PACC1: variants seen among roughly 807,000 people sequenced by gnomAD.
The protein encoded by PACC1 is proton activated chloride channel 1, also known as proton-activated chloride channel.
A neutral mutation model predicts 39.7 loss-of-function variants in PACC1; 34 were observed. The ratio of observed to expected loss-of-function variants is 0.86; its 90% CI spans 0.65 to 1.14. The LOEUF (loss-of-function observed/expected upper bound fraction) is 1.14. Among genes scored for constraint, PACC1 ranks in the 50% most tolerant of loss-of-function variants. The pLI, the probability that PACC1 is intolerant of heterozygous loss-of-function variation, is 0.00. For missense variants in PACC1, 379 were observed against 436.4 expected (o/e 0.87, Z 1.17); for synonymous variants, 127 against 160.6 (o/e 0.79, Z 1.58).
intron 2 of PACC1, 149 bp from the exon 3 acceptor site, chr1:212,387,249 C>G: frequency 1.5e-6 from 1 of 677,684 alleles, no homozygotes; most frequent in Non-Finnish European, 2.5e-6. Flanking sequence ...CAAATCATAA[C>G]AAAGGGCACC....
intron 2 of PACC1, 22 bp from the exon 3 acceptor site, chr1:212,387,122 G>A: frequency 6.2e-7 from 1 of 1,611,914 alleles, no homozygotes; most frequent in Non-Finnish European, 8.5e-7. Flanking sequence ...AAAACACCAT[G>A]TGACCCAGGG....
chr1:212,393,052 C>A (rs1355642728), intron 2 of PACC1, among the ~76,000 whole-genome samples: 1 of 152,150 alleles, frequency 6.6e-6, no homozygotes, highest in African/African-American at 2.4e-5. Context: ...ACAAGGATAT[C>A]CAGGAATTGA....
chr1:212,414,800 C>G lies in PACC1; in HGVS notation c.-43G>C. ...CGGCACACCTGAGACCGCCCCAGCC[C>G]GCGGCGCACGGACGCAGCACTGCGG... On this transcript the variant is annotated 5_prime_UTR_variant, in exon 1 of 8. Coordinates refer to ENST00000261455, the MANE Select transcript of PACC1 (RefSeq NM_018252.3). 6.2e-7 allele frequency: 1 copy of G among 1,608,322 alleles called. No individual in the cohort carries two copies. The highest frequency in any genetic ancestry group is 8.5e-7 in the Non-Finnish European group (1 of 1,175,550).
At chr1:212,380,611 CAT>C (rs1246686165) in intron 4 of PACC1, among the ~76,000 whole-genome samples, 2 of 152,152 alleles carry the variant, frequency 1.3e-5, no homozygotes, top group Admixed American at 6.5e-5. Context: ...CCAAACAATG[CAT>C]AGAGACAGGT....
At chr1:212,367,179 G>C (rs1188282488) in intron 7 of PACC1, among the ~76,000 whole-genome samples, 1 of 152,086 alleles carries the variant, frequency 6.6e-6, no homozygotes, top group Non-Finnish European at 1.5e-5. Context: ...ACCAAACTCA[G>C]CTATCCATGT....
chr1:212,395,898 C>T (rs1571666198), intron 2 of PACC1, among the ~76,000 whole-genome samples: 2 of 152,216 alleles, frequency 1.3e-5, no homozygotes, highest in African/African-American at 4.8e-5. Context: ...TACCATCTCA[C>T]ACCAGTTAGA....
intron 7 of PACC1, among the ~76,000 whole-genome samples, chr1:212,374,408 C>T: frequency 6.6e-6 from 1 of 151,844 alleles, no homozygotes; most frequent in Admixed American, 6.6e-5. Context: ...TTACCAGAGG[C>T]TGGGAAGGGT....
chr1:212,406,685 G>C lies in PACC1; in HGVS notation c.133+3740C>G, dbSNP rs567308272. On this transcript the variant is annotated intron_variant, in intron 2 of 7. Coordinates refer to ENST00000261455, the MANE Select transcript of PACC1 (RefSeq NM_018252.3). The stretch of plus-strand genomic sequence containing the variant: ...TCATCTGGTTCCCCCAAAGCAACTG[G>C]GAAGGCTACCCCAAAGCAAGTGGGA... Among the ~76,000 whole-genome samples the C allele has an allele frequency of 3.4e-4, 52 of 152,298 alleles. No homozygotes were observed. In the South Asian group the frequency reaches 6.4e-3, roughly 19 times the overall value.
intron 7 of PACC1, among the ~76,000 whole-genome samples, chr1:212,368,443 A>G (rs185190825): frequency 2.0e-5 from 3 of 152,284 alleles, no homozygotes; most frequent in East Asian, 3.9e-4. Flanking sequence ...AGGGAATTCA[A>G]AATAGATGTT....
At position 212,410,439 on chromosome 1, in the gene PACC1, G is replaced by A. The variant is rs769822957; in HGVS notation, c.119C>T (p.Pro40Leu). Residue 40 changes from proline to leucine, a missense_variant, in exon 2 of 8, where the codon CCG becomes CTG. Pro to Leu is a moderately conservative substitution (Grantham distance 98, BLOSUM62 -3). Transcript: ENST00000261455. ...QDKETVRVQG[P>L]GILPGLDSES... Reference sequence around the variant, plus strand: ...AACGCACTCACCTGGTAAGATACCCGGACCTTGGACTCTGACCGTCTCCTT... The same window carrying A: ...AACGCACTCACCTGGTAAGATACCCAGACCTTGGACTCTGACCGTCTCCTT... 5.0e-6 allele frequency: 8 copies of A among 1,613,982 alleles called. No individual in the cohort carries two copies. The highest frequency in any genetic ancestry group is 4.5e-5 in the East Asian group (2 of 44,894).
intron 5 of PACC1, among the ~76,000 whole-genome samples, chr1:212,379,306 A>G (rs1321045413): frequency 1.3e-5 from 2 of 152,188 alleles, no homozygotes; most frequent in East Asian, 3.8e-4. Context: ...AGTCTATGAT[A>G]TATATAACCA....
chr1:212,406,918 T>C (rs1024688801), intron 2 of PACC1, among the ~76,000 whole-genome samples: 1 of 152,234 alleles, frequency 6.6e-6, no homozygotes, highest in Non-Finnish European at 1.5e-5. Flanking sequence ...TTTCCAAGTC[T>C]GGCCTCCCTC....
At chr1:212,396,805 TA>T (rs1661541186) in intron 2 of PACC1, among the ~76,000 whole-genome samples, 1 of 9,460 alleles carries the variant, frequency 1.1e-4, no homozygotes, top group South Asian at 2.6e-3. Flanking sequence ...AATATCTATC[TA>T]TCTATCTATC....
intron 7 of PACC1, among the ~76,000 whole-genome samples, chr1:212,369,042 A>G (rs1298909421): frequency 1.4e-5 from 2 of 146,950 alleles, no homozygotes; most frequent in Non-Finnish European, 3.0e-5. Context: ...AAAAAAAAAG[A>G]GGCAAAACAA....
Position 212,365,189 on chromosome 1 carries a change from A to G in PACC1, c.*26T>C. On this transcript the variant is annotated 3_prime_UTR_variant, in exon 8 of 8. Coordinates refer to ENST00000261455, the MANE Select transcript of PACC1 (RefSeq NM_018252.3). Reference sequence around the variant, plus strand: ...GATGACAGCTCCCATTGATGTGGACAGTTCTCTAAACAACGCGAGGTGACT... The same window carrying G: ...GATGACAGCTCCCATTGATGTGGACGGTTCTCTAAACAACGCGAGGTGACT... 2 of 1,608,126 alleles carry G rather than the reference A, an allele frequency of 1.2e-6. No homozygotes were observed. Among genetic ancestry groups the G allele is most frequent in the East Asian group, 2.2e-5 (1 of 44,814 alleles).
chr1:212,397,741 G>A (rs2102523038), intron 2 of PACC1, among the ~76,000 whole-genome samples: 1 of 152,334 alleles, frequency 6.6e-6, no homozygotes, highest in East Asian at 1.9e-4. Context: ...GAAGCACAGG[G>A]AGAAGGGCAG....
intron 1 of PACC1, 107 bp from the exon 2 acceptor site, chr1:212,410,628 AACC>A: frequency 1.0e-6 from 1 of 999,002 alleles, no homozygotes. Context: ...TGTCACCAAA[AACC>A]ACATGACATA....
In PACC1 at chr1:212,386,778, G is replaced by T; in HGVS notation, c.343+113C>A. 1 of 989,368 alleles carries T rather than the reference G, an allele frequency of 1.0e-6. No homozygotes were observed. The highest frequency in any genetic ancestry group is 1.6e-6 in the Non-Finnish European group (1 of 636,948). The allele number at this position is 989,368 out of a possible 1,614,324, so 61.3% of individuals were successfully genotyped here. A position where few individuals can be genotyped will look rare whatever the true frequency, so the allele number is the denominator to read the frequency against. ...CTCTATACCTAGACTATGCTTGGTTGGACTCCTCTGCCCTGCCCGTAGTAC... is the reference window on the plus strand; with the variant it reads ...CTCTATACCTAGACTATGCTTGGTTTGACTCCTCTGCCCTGCCCGTAGTAC... On this transcript the variant is annotated intron_variant, in intron 3 of 7. Coordinates refer to ENST00000261455, the MANE Select transcript of PACC1 (RefSeq NM_018252.3). The surrounding 1 kb of genome is among the most constrained non-coding windows in gnomAD (Gnocchi z 5.0).
Position 212,365,136 on chromosome 1 carries a change from T to C in PACC1, c.*79A>G. 2 of 1,465,048 alleles carry C rather than the reference T, an allele frequency of 1.4e-6. No individual in the cohort carries two copies. The highest frequency in any genetic ancestry group is 9.3e-7 in the Non-Finnish European group (1 of 1,075,792). 90.8% of individuals were successfully genotyped at this position (1,465,048 alleles called of 1,614,324 possible). A position where few individuals can be genotyped will look rare whatever the true frequency, so the allele number is the denominator to read the frequency against. ...ATTTCTTCAAGTGAGTACAGGATTG[T>C]TGATAGCTCCGTTTACAAAGTGGAA... On this transcript the variant is annotated 3_prime_UTR_variant, in exon 8 of 8. Transcript: ENST00000261455.
Sources: allele counts gnomAD v4.1 joint callset (sites outside exome capture counted in the v4.1 genomes callset), GRCh38; gene constraint gnomAD v4.1.1; non-coding constraint Gnocchi (gnomAD v3.1); transcripts MANE v1.5; gene names NCBI Gene and HGNC (gene_info 2026-07-23, HGNC 2026-07-21).